SLC44A5: variants seen among roughly 807,000 people sequenced by gnomAD.
SLC44A5 encodes the protein choline transporter-like protein 5.
Under a neutral mutation model 101.8 loss-of-function variants are expected in SLC44A5, and 57 were observed. That is an observed-to-expected ratio of 0.56 (90% CI 0.45 to 0.70). The LOEUF (loss-of-function observed/expected upper bound fraction) is 0.70, where lower values mean the gene tolerates loss of function less well. Among genes scored for constraint, SLC44A5 ranks in the 30% least tolerant of loss-of-function variants. The pLI, the probability that SLC44A5 is intolerant of heterozygous loss-of-function variation, is 0.00. For synonymous variants in SLC44A5, 281 were observed against 290.9 expected, an observed-to-expected ratio of 0.97 and a Z score of 0.35; for missense variants, 737 against 853.1, an observed-to-expected ratio of 0.86 and a Z score of 1.70.
the SLC44A5 span, among the ~76,000 whole-genome samples, chr1:75,678,451 A>T: frequency 1.3e-5 from 2 of 151,922 alleles, no homozygotes. Context: ...TGGGTCCCTG[A>T]CCCCTGACAC....
chr1:75,487,549 A>G (rs1668218063), intron 2 of SLC44A5, among the ~76,000 whole-genome samples: 1 of 152,182 alleles, frequency 6.6e-6, no homozygotes, highest in Non-Finnish European at 1.5e-5. Context: ...ATGGGCTACT[A>G]CAGAGTTGAC....
At chr1:75,652,388 A>C in the SLC44A5 span, among the ~76,000 whole-genome samples, 1 of 152,170 alleles carries the variant, frequency 6.6e-6, no homozygotes, top group Admixed American at 6.5e-5. Flanking sequence ...ACTCTGCCTT[A>C]TGCTCCCAGT....
At chr1:75,581,416 T>C (rs1017207489) in intron 1 of SLC44A5, among the ~76,000 whole-genome samples, 1 of 152,210 alleles carries the variant, frequency 6.6e-6, no homozygotes, top group African/African-American at 2.4e-5. Context: ...GCCATTATGG[T>C]CCACTAGGTA....
At chr1:75,299,047 A>C (rs1362546197) in intron 5 of SLC44A5, among the ~76,000 whole-genome samples, 1 of 152,220 alleles carries the variant, frequency 6.6e-6, no homozygotes, top group Non-Finnish European at 1.5e-5. Context: ...TTCTATGATG[A>C]AAAGTAAAAA....
At chr1:75,283,072 G>A (rs537505541) in intron 5 of SLC44A5, among the ~76,000 whole-genome samples, 11 of 152,224 alleles carry the variant, frequency 7.2e-5, no homozygotes, top group African/African-American at 2.4e-4. Flanking sequence ...GTTCTTTAAG[G>A]AATCTCCACA....
At chr1:75,604,696 G>A (rs1675214282) in intron 1 of SLC44A5, among the ~76,000 whole-genome samples, 1 of 151,932 alleles carries the variant, frequency 6.6e-6, no homozygotes, top group Non-Finnish European at 1.5e-5. Context: ...TATTTCAGCA[G>A]CGTTTTGTAG....
chr1:75,335,231 T>A (rs956769942), intron 4 of SLC44A5, among the ~76,000 whole-genome samples: 1 of 152,244 alleles, frequency 6.6e-6, no homozygotes, highest in Non-Finnish European at 1.5e-5. Flanking sequence ...CTGCAGGGTC[T>A]GAATATTGAT....
chr1:75,506,237 T>G (rs893736533), intron 2 of SLC44A5, among the ~76,000 whole-genome samples: 3 of 152,186 alleles, frequency 2.0e-5, no homozygotes, highest in African/African-American at 7.2e-5. Context: ...AGTACGATGT[T>G]GTTTTGGTTA....
At chr1:75,318,656 A>C (rs1413932855) in intron 4 of SLC44A5, among the ~76,000 whole-genome samples, 1 of 152,172 alleles carries the variant, frequency 6.6e-6, no homozygotes, top group Non-Finnish European at 1.5e-5. Flanking sequence ...AAAGAATGAC[A>C]CATAAGCCAG....
the SLC44A5 span, among the ~76,000 whole-genome samples, chr1:75,628,412 TA>T: frequency 6.6e-6 from 1 of 152,120 alleles, no homozygotes; most frequent in African/African-American, 2.4e-5. Flanking sequence ...GATTACAGGG[TA>T]AAAGACAGGT....
At chr1:75,599,405 C>G (rs998640265) in intron 1 of SLC44A5, among the ~76,000 whole-genome samples, 7 of 152,186 alleles carry the variant, frequency 4.6e-5, no homozygotes, top group African/African-American at 1.7e-4. Flanking sequence ...GAGCGACACT[C>G]TAACCTGGGA....
At chr1:75,587,131 C>G (rs1451294754) in intron 1 of SLC44A5, among the ~76,000 whole-genome samples, 1 of 151,954 alleles carries the variant, frequency 6.6e-6, no homozygotes, top group African/African-American at 2.4e-5. Flanking sequence ...GCTAAACATC[C>G]TACAATGCCC....
chr1:75,441,085 G>C lies in SLC44A5; in HGVS notation c.14-44464C>G, dbSNP rs1665169696. Among the ~76,000 whole-genome samples the C allele has an allele frequency of 2.0e-5, 3 of 152,040 alleles. 1 individual carries two copies. In the South Asian group the frequency reaches 6.2e-4, roughly 31 times the overall value. ...ACAGCACAAATGTTCTGGAATCCTTGAATTGTTAAAGAGGAGGAATAAGAT... is the reference window on the plus strand; with the variant it reads ...ACAGCACAAATGTTCTGGAATCCTTCAATTGTTAAAGAGGAGGAATAAGAT... On this transcript the variant is annotated intron_variant, in intron 2 of 23. Coordinates refer to ENST00000370859, the MANE Select transcript of SLC44A5 (RefSeq NM_001130058.2).
At chr1:75,370,223 T>C (rs1310702015) in intron 3 of SLC44A5, among the ~76,000 whole-genome samples, 4 of 152,228 alleles carry the variant, frequency 2.6e-5, no homozygotes, top group Admixed American at 6.5e-5. Context: ...CTGGGTTTTT[T>C]GTTCCCATAT....
chr1:75,308,663 T>C (rs1006446674), intron 4 of SLC44A5, among the ~76,000 whole-genome samples: 5 of 152,212 alleles, frequency 3.3e-5, no homozygotes, highest in South Asian at 2.1e-4. Context: ...TAGCTCTAGA[T>C]AGCTTTGGGA....
At chr1:75,643,204 T>C in the SLC44A5 span, among the ~76,000 whole-genome samples, 2 of 152,126 alleles carry the variant, frequency 1.3e-5, no homozygotes, top group African/African-American at 4.8e-5. Context: ...ACTACCTATA[T>C]CAAATTTTAA....
At chr1:75,677,600 T>C in the SLC44A5 span, 22 of 290,714 alleles carry the variant, frequency 7.6e-5, no homozygotes, top group Non-Finnish European at 1.3e-4. Context: ...ACTGGAAAAC[T>C]AATAACAAAA....
intron 23 of SLC44A5, chr1:75,206,813 G>C (rs575277342): frequency 1.4e-6 from 1 of 723,044 alleles, no homozygotes; most frequent in Admixed American, 2.6e-5. Flanking sequence ...GGAAAAATCA[G>C]AAAAATCAGT....
chr1:75,477,997 A>G (rs1667544390), intron 2 of SLC44A5, among the ~76,000 whole-genome samples: 1 of 152,304 alleles, frequency 6.6e-6, no homozygotes, highest in Admixed American at 6.5e-5. Flanking sequence ...AAGGGCAGCC[A>G]GAGAGAAAGG....
Sources: gnomAD v4.1 joint callset for allele counts (sites outside exome capture counted in the v4.1 genomes callset) on GRCh38, gnomAD v4.1.1 for gene constraint, MANE v1.5 for transcripts, NCBI Gene and HGNC (gene_info 2026-07-23, HGNC 2026-07-21) for gene names.